The following ECE1 variants were observed in gnomAD, a reference collection of about 807,000 sequenced individuals.
ECE1 encodes endothelin converting enzyme 1.
ECE1 carries 35 observed loss-of-function variants against 98.6 expected under a neutral mutation model. The observed-to-expected ratio is 0.35, with a 90% CI of 0.27 to 0.47. The LOEUF is 0.47. Among genes scored for constraint, ECE1 ranks in the 20% least tolerant of loss-of-function variants. ECE1 has a pLI of 1.00. For missense variants in ECE1, 814 were observed against 1,025.3 expected (o/e 0.79, Z 2.81); for synonymous variants, 394 against 407.1 (o/e 0.97, Z 0.39).
At chr1:21,289,479 G>A (rs796911003) in intron 2 of ECE1, among the ~76,000 whole-genome samples, 10 of 152,288 alleles carry the variant, frequency 6.6e-5, no homozygotes, top group African/African-American at 2.2e-4. Context: ...AGACCCTGGG[G>A]AGGGGAGGAA....
At chr1:21,320,910 C>T (rs1287745203) in intron 1 of ECE1, among the ~76,000 whole-genome samples, 1 of 152,248 alleles carries the variant, frequency 6.6e-6, no homozygotes, top group Non-Finnish European at 1.5e-5. Context: ...CTGTGATGGT[C>T]TTCCCTTGCC....
intron 4 of ECE1, among the ~76,000 whole-genome samples, chr1:21,263,086 G>T (rs1480864613): frequency 6.6e-6 from 1 of 152,194 alleles, no homozygotes; most frequent in East Asian, 1.9e-4. Context: ...GCCAAGCAAG[G>T]CCCCGGGGAA....
rs1638993864 is a variant in ECE1, at chr1:21,322,824, C to A, written c.3+22552G>T. On this transcript the variant is annotated intron_variant, in intron 1 of 18. Coordinates refer to the ECE1 transcript ENST00000415912. The surrounding 1 kb of genome is among the most constrained non-coding windows in gnomAD (Gnocchi z 4.1). ...GGCCGGGAAGGGAAGTGGGCATGGC[C>A]CCCGGAAGAGGACGCACATGGATCC... Among the ~76,000 whole-genome samples, 2 of 152,146 alleles carry A rather than the reference C, an allele frequency of 1.3e-5. No individual in the cohort carries two copies. The highest frequency in any genetic ancestry group is 2.9e-5 in the Non-Finnish European group (2 of 68,020).
At chr1:21,300,001 G>A (rs143140776) in intron 1 of ECE1, among the ~76,000 whole-genome samples, 5 of 152,316 alleles carry the variant, frequency 3.3e-5, no homozygotes, top group East Asian at 3.9e-4. Flanking sequence ...CTCATATCCT[G>A]ACCCTGAACC....
At chr1:21,331,272 G>A (rs1007956618) in intron 1 of ECE1, among the ~76,000 whole-genome samples, 1 of 152,036 alleles carries the variant, frequency 6.6e-6, no homozygotes, top group Admixed American at 6.6e-5. Flanking sequence ...GCGTGGTGGT[G>A]CAGCGCCTGT....
rs964790454 is a variant in ECE1 at position 21,307,428 on chromosome 1, G to C, written c.4-17272C>G. Among the ~76,000 whole-genome samples, 1 of 152,170 alleles carries C rather than the reference G, an allele frequency of 6.6e-6. No individual in the cohort carries two copies. The highest frequency in any genetic ancestry group is 1.5e-5 in the Non-Finnish European group (1 of 68,036). On this transcript the variant is annotated intron_variant, in intron 1 of 18. Coordinates refer to the ECE1 transcript ENST00000415912. The surrounding 1 kb of genome is among the most constrained non-coding windows in gnomAD (Gnocchi z 4.2). ...TGAGGGTGGCAGTGGCTTCCTTGCC[G>C]GGGGTTATGAGCATCTAGTGAGACA...
At chr1:21,248,638 T>C (rs932780923) in intron 8 of ECE1, among the ~76,000 whole-genome samples, 1 of 152,008 alleles carries the variant, frequency 6.6e-6, no homozygotes, top group Admixed American at 6.5e-5. Context: ...TTTTCTTTTT[T>C]TTTTGAGATG....
intron 4 of ECE1, among the ~76,000 whole-genome samples, chr1:21,261,870 C>T (rs890414646): frequency 1.3e-5 from 2 of 152,128 alleles, no homozygotes; most frequent in Non-Finnish European, 2.9e-5. Context: ...CACTGGGTTG[C>T]GCGGAGCAGG....
At chr1:21,301,454 C>T (rs1638482064) in intron 1 of ECE1, among the ~76,000 whole-genome samples, 1 of 152,026 alleles carries the variant, frequency 6.6e-6, no homozygotes, top group African/African-American at 2.4e-5. Context: ...GAGATCACGC[C>T]ACTGCACTCC....
At chr1:21,326,515 G>A (rs1639081550) in intron 1 of ECE1, among the ~76,000 whole-genome samples, 1 of 152,002 alleles carries the variant, frequency 6.6e-6, no homozygotes, top group African/African-American at 2.4e-5. Context: ...AGAACCTAGT[G>A]AGAAAAAAGG....
rs372820480 is a variant in ECE1, at chr1:21,262,990, C to T, written c.494-2598G>A. Among the ~76,000 whole-genome samples the T allele has an allele frequency of 4.7e-3, 722 of 152,302 alleles. 4 individuals are homozygous for T. The highest frequency in any genetic ancestry group is 0.016 in the African/African-American group (685 of 41,568). ...GTGAGGCAAACGGCAGCCAAGGACT[C>T]GCGGGAGCATCTGATTACGCACGGG... is the stretch of plus-strand genomic sequence containing the variant. On this transcript the variant is annotated intron_variant, in intron 4 of 18. Coordinates refer to ENST00000374893, the MANE Select transcript of ECE1 (RefSeq NM_001397.3).
At chr1:21,249,876 T>G (rs954503635) in intron 8 of ECE1, among the ~76,000 whole-genome samples, 1 of 151,758 alleles carries the variant, frequency 6.6e-6, no homozygotes, top group Non-Finnish European at 1.5e-5. Flanking sequence ...CGGGTTCAAG[T>G]GATTCTCCTG....
In ECE1 at chr1:21,322,381, A is replaced by G. The variant is rs1438598427; in HGVS notation, c.3+22995T>C. Among the ~76,000 whole-genome samples the G allele has an allele frequency of 6.6e-6, 1 of 152,196 alleles. No individual in the cohort carries two copies. Among genetic ancestry groups the G allele is most frequent in the East Asian group, 1.9e-4 (1 of 5,188 alleles). On this transcript the variant is annotated intron_variant, in intron 1 of 18. Coordinates refer to the ECE1 transcript ENST00000415912. The surrounding 1 kb of genome is among the most constrained non-coding windows in gnomAD (Gnocchi z 4.1). ...ATGGGCACCTTGTGGAGGACTTGGTAGCCCTTAGCCCAGCAGACGCCCAGG... is the reference window on the plus strand; with the variant it reads ...ATGGGCACCTTGTGGAGGACTTGGTGGCCCTTAGCCCAGCAGACGCCCAGG...
rs965053264 is a variant in ECE1 at position 21,217,877 on chromosome 1, G to A, written c.*2078C>T. Reference sequence around the variant, plus strand: ...GGAGGCAGATCCCAAGGTGGCAGGGGTGTCCCTGTGCCGTCTGCTTCCTCT... The same window carrying A: ...GGAGGCAGATCCCAAGGTGGCAGGGATGTCCCTGTGCCGTCTGCTTCCTCT... On this transcript the variant is annotated 3_prime_UTR_variant, in exon 19 of 19. Transcript: ENST00000374893. 6.6e-6 allele frequency: 1 copy of A among 152,518 alleles called. No homozygotes were observed. 9.4% of individuals were successfully genotyped at this position (152,518 alleles called of 1,614,324 possible).
intron 14 of ECE1, among the ~76,000 whole-genome samples, chr1:21,232,925 T>A (rs542883842): frequency 1.3e-5 from 2 of 152,120 alleles, no homozygotes; most frequent in African/African-American, 4.8e-5. Flanking sequence ...GTGATCCACC[T>A]GTCTTGCCCT....
chr1:21,226,243 G>A (rs1188049730), intron 16 of ECE1, among the ~76,000 whole-genome samples: 2 of 152,184 alleles, frequency 1.3e-5, no homozygotes, highest in Non-Finnish European at 2.9e-5. Flanking sequence ...AGTGGTGGAG[G>A]AATGTCCACT....
chr1:21,248,444 G>T (rs563540835), intron 8 of ECE1, among the ~76,000 whole-genome samples: 1 of 152,090 alleles, frequency 6.6e-6, no homozygotes, highest in East Asian at 1.9e-4. Flanking sequence ...AAAGTGCTGG[G>T]ATTATAGGCA....
In ECE1 at chr1:21,277,678, A is replaced by T. The variant is rs187874647; in HGVS notation, c.280+1513T>A. 6.6e-5 allele frequency among the ~76,000 whole-genome samples: 10 copies of T among 152,320 alleles called. No homozygotes were observed. The East Asian group carries it at 1.9e-3, about 29-fold the overall frequency. ...TTCCTACCCCTTCGTTCATTCAAACATTAATTTATTCATTTTACTATCTGC... is the reference window on the plus strand; with the variant it reads ...TTCCTACCCCTTCGTTCATTCAAACTTTAATTTATTCATTTTACTATCTGC... On this transcript the variant is annotated intron_variant, in intron 3 of 18. Coordinates refer to ENST00000374893, the MANE Select transcript of ECE1 (RefSeq NM_001397.3).
At chr1:21,223,937 T>A (rs2098170568) in intron 17 of ECE1, among the ~76,000 whole-genome samples, 1 of 152,180 alleles carries the variant, frequency 6.6e-6, no homozygotes, top group South Asian at 2.1e-4. Flanking sequence ...ATGTCATTCC[T>A]CTATTTTAAA....
Sources: allele counts gnomAD v4.1 joint callset (sites outside exome capture counted in the v4.1 genomes callset), GRCh38; gene constraint gnomAD v4.1.1; non-coding constraint Gnocchi (gnomAD v3.1); transcripts MANE v1.5; gene names NCBI Gene and HGNC (gene_info 2026-07-23, HGNC 2026-07-21).